TFDP2: variants seen among roughly 807,000 people sequenced by gnomAD.
TFDP2 encodes transcription factor Dp-2, also known as transcription factor Dp-2 (E2F dimerization partner 2).
A neutral mutation model predicts 59.3 loss-of-function variants in TFDP2; 17 were observed. The observed-to-expected ratio is 0.29, with a 90% CI of 0.20 to 0.43. TFDP2 has a LOEUF of 0.43. Ranked by LOEUF, TFDP2 falls within the 20% of genes least tolerant of loss-of-function variation. The pLI, the probability that TFDP2 is intolerant of heterozygous loss-of-function variation, is 1.00. For synonymous variants in TFDP2, 180 were observed against 194.7 expected (o/e 0.92, Z 0.63); for missense variants, 391 against 528.8 (o/e 0.74, Z 2.56).
chr3:142,055,437 C>T (rs973751145), intron 3 of TFDP2, among the ~76,000 whole-genome samples: 5 of 152,210 alleles, frequency 3.3e-5, no homozygotes, highest in Non-Finnish European at 7.3e-5. Context: ...AGGCACTCTG[C>T]TAGGCAAGGT....
At chr3:141,995,791 G>A (rs1194617073) in intron 4 of TFDP2, among the ~76,000 whole-genome samples, 1 of 149,162 alleles carries the variant, frequency 6.7e-6, no homozygotes, top group African/African-American at 2.5e-5. Context: ...GCTGAGGCAG[G>A]AGAATCGCTT....
intron 3 of TFDP2, among the ~76,000 whole-genome samples, chr3:142,085,406 C>A (rs901267972): frequency 6.8e-6 from 1 of 148,064 alleles, no homozygotes; most frequent in Admixed American, 6.6e-5. Context: ...CTATTATGTA[C>A]CCACAAAAAA....
At chr3:141,980,617 A>G (rs34092379) in intron 6 of TFDP2, among the ~76,000 whole-genome samples, 17,758 of 152,032 alleles carry the variant, frequency 0.12, 1,280 homozygotes, top group East Asian at 0.18. Context: ...ATCTCAGCTC[A>G]CTGAGAAACC....
At chr3:141,997,125 C>T (rs374652432) in intron 4 of TFDP2, among the ~76,000 whole-genome samples, 3 of 152,056 alleles carry the variant, frequency 2.0e-5, no homozygotes, top group South Asian at 2.1e-4. Context: ...TTAGGGGTGG[C>T]GAGTACCTTG....
intron 1 of TFDP2, among the ~76,000 whole-genome samples, chr3:142,143,282 C>T (rs1285589658): frequency 6.6e-6 from 1 of 152,052 alleles, no homozygotes; most frequent in Non-Finnish European, 1.5e-5. Flanking sequence ...AATCTAAGAC[C>T]TTAAACTGTG....
At chr3:141,973,683 CTTTTTTT>C (rs200088518) in intron 8 of TFDP2, among the ~76,000 whole-genome samples, 3 of 132,614 alleles carry the variant, frequency 2.3e-5, no homozygotes, top group Non-Finnish European at 3.2e-5. Flanking sequence ...CGGCTTGATC[CTTTTTTT>C]TTTTTTTTTT....
chr3:141,954,530 G>C (rs1320691502), intron 11 of TFDP2, among the ~76,000 whole-genome samples: 1 of 151,758 alleles, frequency 6.6e-6, no homozygotes, highest in Non-Finnish European at 1.5e-5. Flanking sequence ...CCAGCTACTA[G>C]AGAGACTGAG....
intron 6 of TFDP2, among the ~76,000 whole-genome samples, chr3:141,980,179 A>G (rs565140066): frequency 6.6e-6 from 1 of 151,306 alleles, no homozygotes; most frequent in Non-Finnish European, 1.5e-5. Context: ...GTGTTGGGTT[A>G]TAAGTGTGAG....
At chr3:142,130,178 TA>T (rs1202185926) in intron 1 of TFDP2, among the ~76,000 whole-genome samples, 6 of 152,252 alleles carry the variant, frequency 3.9e-5, no homozygotes, top group Middle Eastern at 3.4e-3. Context: ...TCATAATGGT[TA>T]AAATGTAGAA....
intron 1 of TFDP2, among the ~76,000 whole-genome samples, chr3:142,110,236 G>A (rs1411894981): frequency 6.6e-6 from 1 of 152,138 alleles, no homozygotes; most frequent in Non-Finnish European, 1.5e-5. Flanking sequence ...AGGCACGGTG[G>A]CTCACGTCTG....
At position 141,947,707 on chromosome 3, in the gene TFDP2, T is replaced by C. The variant is rs543108327; in HGVS notation, c.*4806A>G. 6.6e-6 allele frequency: 1 copy of C among 152,334 alleles called. No homozygotes were observed. Among genetic ancestry groups the C allele is most frequent in the East Asian group, 1.9e-4 (1 of 5,188 alleles). 9.4% of individuals were successfully genotyped at this position (152,334 alleles called of 1,614,324 possible). ...TAACTTTGCTTTGAAGTCTTAAAAG[T>C]TCCCAAACAGACTCCAAAATGAAGG... On this transcript the variant is annotated 3_prime_UTR_variant, in exon 13 of 13. Coordinates refer to ENST00000489671, the MANE Select transcript of TFDP2 (RefSeq NM_001178139.2).
chr3:142,004,014 C>T (rs186213438), intron 4 of TFDP2, among the ~76,000 whole-genome samples: 1 of 152,300 alleles, frequency 6.6e-6, no homozygotes, highest in Admixed American at 6.5e-5. Context: ...CTTATATAAT[C>T]ACATTTCAAA....
intron 3 of TFDP2, among the ~76,000 whole-genome samples, chr3:142,042,013 T>C (rs1376467428): frequency 6.6e-6 from 1 of 152,222 alleles, no homozygotes; most frequent in Non-Finnish European, 1.5e-5. Context: ...TCTACTGATA[T>C]ATGTGTCCAT....
chr3:142,071,110 GGT>G (rs1337425678), intron 3 of TFDP2, among the ~76,000 whole-genome samples: 1 of 152,050 alleles, frequency 6.6e-6, no homozygotes, highest in Non-Finnish European at 1.5e-5. Flanking sequence ...CAGAAGGATA[GGT>G]GTCTGGGATA....
intron 1 of TFDP2, among the ~76,000 whole-genome samples, chr3:142,146,098 T>G (rs1009854083): frequency 6.6e-6 from 1 of 152,194 alleles, no homozygotes; most frequent in African/African-American, 2.4e-5. Context: ...ATGCCAAAAT[T>G]ATCAAACTTG....
chr3:142,018,593 C>A (rs777477312), intron 3 of TFDP2, among the ~76,000 whole-genome samples: 1 of 151,748 alleles, frequency 6.6e-6, no homozygotes, highest in Non-Finnish European at 1.5e-5. Flanking sequence ...CTCCTCAGTA[C>A]GCCACCACAT....
chr3:142,093,718 C>A (rs1352863832), intron 2 of TFDP2, among the ~76,000 whole-genome samples: 2 of 152,140 alleles, frequency 1.3e-5, no homozygotes, highest in Admixed American at 1.3e-4. Flanking sequence ...ACCATTAATA[C>A]CACAATGCAG....
chr3:142,089,232 A>G (rs2060918295), intron 3 of TFDP2, among the ~76,000 whole-genome samples: 1 of 151,564 alleles, frequency 6.6e-6, no homozygotes, highest in African/African-American at 2.4e-5. Context: ...TCTCCTCAGT[A>G]GAAAAAAAAA....
chr3:141,963,335 T>C (rs768823726), intron 10 of TFDP2, among the ~76,000 whole-genome samples: 1 of 152,248 alleles, frequency 6.6e-6, no homozygotes, highest in Non-Finnish European at 1.5e-5. Context: ...CATTTTCATG[T>C]CTATTCATAC....
Sources: allele counts gnomAD v4.1 joint callset (sites outside exome capture counted in the v4.1 genomes callset), GRCh38; gene constraint gnomAD v4.1.1; transcripts MANE v1.5; gene names NCBI Gene and HGNC (gene_info 2026-07-23, HGNC 2026-07-21).